Variants in PLCL2 observed in about 807,000 individuals in gnomAD.
The protein encoded by PLCL2 is phospholipase C like 2.
In PLCL2, 4 loss-of-function variants were observed where a neutral mutation model predicts 79.6. That is an observed-to-expected ratio of 0.05 (90% CI 0.02 to 0.11). The LOEUF (loss-of-function observed/expected upper bound fraction) is 0.11, where lower values mean the gene tolerates loss of function less well. PLCL2 is among the 10% of genes least tolerant of loss of function. The pLI, the probability that PLCL2 is intolerant of heterozygous loss-of-function variation, is 1.00. For synonymous variants in PLCL2, 484 were observed against 457.7 expected (o/e 1.06, Z -0.73); for missense variants, 895 against 1,291.0 (o/e 0.69, Z 4.70).
At chr3:16,997,537 T>C (rs1171955981) in intron 1 of PLCL2, among the ~76,000 whole-genome samples, 1 of 150,352 alleles carries the variant, frequency 6.7e-6, no homozygotes, top group East Asian at 1.9e-4. Flanking sequence ...CTTTTCTTTT[T>C]TTTTTTTTTT....
chr3:16,904,578 C>T (rs547879301), intron 1 of PLCL2, among the ~76,000 whole-genome samples: 2 of 152,204 alleles, frequency 1.3e-5, no homozygotes, highest in Non-Finnish European at 2.9e-5. Context: ...TGCTTTTACC[C>T]AGCTGCCATC....
At chr3:17,057,232 A>T (rs1157431715) in intron 4 of PLCL2, among the ~76,000 whole-genome samples, 1 of 152,186 alleles carries the variant, frequency 6.6e-6, no homozygotes, top group Non-Finnish European at 1.5e-5. Flanking sequence ...GGAGATTCTC[A>T]GTACACATTA....
At chr3:17,082,322 G>A (rs1467372651) in intron 5 of PLCL2, among the ~76,000 whole-genome samples, 1 of 147,188 alleles carries the variant, frequency 6.8e-6, no homozygotes, top group Non-Finnish European at 1.5e-5. Context: ...TTTTTTTTTT[G>A]TATTTTTAGT....
intron 3 of PLCL2, among the ~76,000 whole-genome samples, chr3:17,016,364 G>A (rs1005418841): frequency 1.3e-5 from 2 of 152,178 alleles, no homozygotes; most frequent in Non-Finnish European, 2.9e-5. Context: ...TGTAGTGGGG[G>A]CTGTTTCCTT....
rs577482917 is a variant in PLCL2, at chr3:16,898,563, A to G, written c.327+13197A>G. On this transcript the variant is annotated intron_variant, in intron 1 of 5. Transcript: ENST00000615277. ...GAAACAGGCACATAGCCACATAGCA[A>G]GCGTTCTACTGGGCTCCTTACTGGG... 1.5e-3 allele frequency among the ~76,000 whole-genome samples: 226 copies of G among 152,350 alleles called. 1 individual carries two copies. Among genetic ancestry groups the G allele is most frequent in the Non-Finnish European group, 2.5e-3 (170 of 68,040 alleles).
chr3:17,072,497 C>T (rs1014319883), intron 5 of PLCL2, among the ~76,000 whole-genome samples: 4 of 151,806 alleles, frequency 2.6e-5, no homozygotes, highest in Non-Finnish European at 5.9e-5. Context: ...GACGAAACCC[C>T]GTCTCTACTG....
rs1389758904 is a variant in PLCL2 at position 17,059,408 on chromosome 3, ATGTATGTG to A, written c.3095-8536_3095-8529del. ...AAAAAAAAAAAAAGAATAAAGAGGT[ATGTATGTG>A]TGTATGTGTGTGTGTATATATATAT... is the stretch of plus-strand genomic sequence containing the variant. On this transcript the variant is annotated intron_variant, in intron 4 of 5. Transcript: ENST00000615277. 4.1e-5 allele frequency among the ~76,000 whole-genome samples: 6 copies of A among 147,626 alleles called. No individual in the cohort carries two copies. In the South Asian group the frequency reaches 6.5e-4, roughly 16 times the overall value.
At chr3:16,954,425 G>A (rs376865942) in intron 1 of PLCL2, among the ~76,000 whole-genome samples, 5 of 151,910 alleles carry the variant, frequency 3.3e-5, no homozygotes, top group Admixed American at 6.6e-5. Context: ...CCAGTCTATC[G>A]TTGTTGGACA....
In PLCL2 at chr3:17,009,221, G is replaced by A. The variant is rs1242973096; in HGVS notation, c.328-453G>A. Among the ~76,000 whole-genome samples the A allele has an allele frequency of 6.6e-6, 1 of 151,276 alleles. No homozygotes were observed. Among genetic ancestry groups the A allele is most frequent in the Non-Finnish European group, 1.5e-5 (1 of 67,882 alleles). On this transcript the variant is annotated intron_variant, in intron 1 of 5. Transcript: ENST00000615277. The surrounding 1 kb of genome is among the most constrained non-coding windows in gnomAD (Gnocchi z 4.0). ...GCTGGTCTCAAACTTCTGACCTTGGGTGATCTGCCCCTTCTTGGCCTCCCA... is the reference window on the plus strand; with the variant it reads ...GCTGGTCTCAAACTTCTGACCTTGGATGATCTGCCCCTTCTTGGCCTCCCA...
chr3:17,058,659 G>C (rs1227805105), intron 4 of PLCL2, among the ~76,000 whole-genome samples: 2 of 152,128 alleles, frequency 1.3e-5, no homozygotes, highest in Non-Finnish European at 2.9e-5. Context: ...TTGCAAAGGT[G>C]ATCTTTCAAG....
In PLCL2 at chr3:16,981,151, G is replaced by A. The variant is rs571955366; in HGVS notation, c.328-28523G>A. 1.2e-4 allele frequency among the ~76,000 whole-genome samples: 3 copies of A among 25,350 alleles called. No homozygotes were observed. The South Asian group carries it at 4.5e-3, about 38-fold the overall frequency. 16.6% of individuals were successfully genotyped at this position (25,350 alleles called of 152,430 possible). A position where few individuals can be genotyped will look rare whatever the true frequency, so the allele number is the denominator to read the frequency against. ...GAAAGAGAGGGAGAGGGAGACTCGG[G>A]GGAGAGGGAGAGGGAGAGGCAAATC... is the stretch of plus-strand genomic sequence containing the variant. On this transcript the variant is annotated intron_variant, in intron 1 of 5. Coordinates refer to ENST00000615277, the MANE Select transcript of PLCL2 (RefSeq NM_001144382.2).
chr3:16,982,894 A>G (rs1048960034), intron 1 of PLCL2, among the ~76,000 whole-genome samples: 2 of 152,118 alleles, frequency 1.3e-5, no homozygotes, highest in African/African-American at 4.8e-5. Flanking sequence ...TCATGAGTAT[A>G]TTTTTATTTC....
intron 1 of PLCL2, chr3:16,933,188 C>T (rs1697449515): frequency 6.5e-6 from 1 of 154,776 alleles, no homozygotes; most frequent in Non-Finnish European, 1.5e-5. Flanking sequence ...CAAAGCAGAC[C>T]CGAGAGAGAA....
chr3:16,915,377 C>T (rs941332046), intron 1 of PLCL2, among the ~76,000 whole-genome samples: 1 of 152,094 alleles, frequency 6.6e-6, no homozygotes. Flanking sequence ...ATTCACTGTA[C>T]ACTGATATTT....
chr3:16,908,732 G>A (rs563411752), intron 1 of PLCL2, among the ~76,000 whole-genome samples: 5 of 152,262 alleles, frequency 3.3e-5, no homozygotes, highest in African/African-American at 1.2e-4. Flanking sequence ...CTCAGGTTGG[G>A]GTGTTGGGGA....
At chr3:17,069,872 A>T (rs1320900244) in intron 5 of PLCL2, among the ~76,000 whole-genome samples, 1 of 152,114 alleles carries the variant, frequency 6.6e-6, no homozygotes, top group Non-Finnish European at 1.5e-5. Context: ...TTATACTTTA[A>T]CCCTGATTGT....
chr3:17,077,751 C>T (rs528999303), intron 5 of PLCL2, among the ~76,000 whole-genome samples: 31 of 152,318 alleles, frequency 2.0e-4, no homozygotes, highest in Admixed American at 1.3e-4. Flanking sequence ...GGAGTCGCCA[C>T]AGATGCTGGC....
intron 3 of PLCL2, among the ~76,000 whole-genome samples, chr3:17,034,909 C>CT (rs2064627123): frequency 4.1e-5 from 4 of 96,386 alleles, no homozygotes; most frequent in Middle Eastern, 9.2e-3. Context: ...TGGACTCACT[C>CT]TCCCAGCACC....
At position 17,002,916 on chromosome 3, in the gene PLCL2, T is replaced by TG. The variant is rs200451755; in HGVS notation, c.328-6755dup. Among the ~76,000 whole-genome samples the TG allele has an allele frequency of 2.3e-3, 351 of 152,196 alleles. 1 individual carries two copies. The highest frequency in any genetic ancestry group is 7.8e-3 in the African/African-American group (325 of 41,560). ...ATCAAGGAATTCATCATCTCTGATG[T>TG]GGGTTTTTTTTTTAACAGTATTTCC... is the stretch of plus-strand genomic sequence containing the variant. On this transcript the variant is annotated intron_variant, in intron 1 of 5. Coordinates refer to ENST00000615277, the MANE Select transcript of PLCL2 (RefSeq NM_001144382.2).
Sources: allele counts gnomAD v4.1 joint callset (sites outside exome capture counted in the v4.1 genomes callset), GRCh38; gene constraint gnomAD v4.1.1; non-coding constraint Gnocchi (gnomAD v3.1); transcripts MANE v1.5; gene names NCBI Gene and HGNC (gene_info 2026-07-23, HGNC 2026-07-21).